EIF4G3: variants seen among roughly 807,000 people sequenced by gnomAD.
EIF4G3 encodes the protein eIF-4-gamma 3.
Under a neutral mutation model 186.4 loss-of-function variants are expected in EIF4G3, and 34 were observed. The observed-to-expected ratio is 0.18, with a 90% confidence interval of 0.14 to 0.24. EIF4G3 has a LOEUF of 0.24. EIF4G3 is among the 10% of genes least tolerant of loss of function. The pLI is 1.00. For synonymous variants in EIF4G3, 673 were observed against 679.5 expected, an observed-to-expected ratio of 0.99 and a Z score of 0.15; for missense variants, 1,536 against 1,948.5, an observed-to-expected ratio of 0.79 and a Z score of 3.99.
chr1:21,129,996 C>G (rs939006479), intron 2 of EIF4G3, among the ~76,000 whole-genome samples: 1 of 152,056 alleles, frequency 6.6e-6, no homozygotes, highest in African/African-American at 2.4e-5. Context: ...AATCCTAGCA[C>G]CTAGTACCAA....
rs1299973889 is a variant in EIF4G3, at chr1:21,023,896, G to A, written c.-66-21088C>T. On this transcript the variant is annotated intron_variant, in intron 4 of 36. Coordinates refer to ENST00000602326, the MANE Select transcript of EIF4G3 (RefSeq NM_001391906.1). ...GCCCATCGTCTGAGATGTGGGGAGC[G>A]CCTCTGCCCCGCCGCCCCATCTGGG... Among the ~76,000 whole-genome samples, 3 of 134,738 alleles carry A rather than the reference G, an allele frequency of 2.2e-5. No individual in the cohort carries two copies. The East Asian group carries it at 6.3e-4, about 28-fold the overall frequency. 88.4% of individuals were successfully genotyped at this position (134,738 alleles called of 152,430 possible). A position where few individuals can be genotyped will look rare whatever the true frequency, so the allele number is the denominator to read the frequency against.
At chr1:20,910,470 G>A (rs895763038) in intron 14 of EIF4G3, among the ~76,000 whole-genome samples, 2 of 152,112 alleles carry the variant, frequency 1.3e-5, no homozygotes, top group Non-Finnish European at 2.9e-5. Flanking sequence ...CGTAATCCCA[G>A]CTACTCAGGA....
chr1:21,148,331 A>T (rs1040865356), intron 2 of EIF4G3, among the ~76,000 whole-genome samples: 2 of 151,864 alleles, frequency 1.3e-5, no homozygotes, highest in Non-Finnish European at 2.9e-5. Context: ...TTGGCCTCCC[A>T]AAGTGCTGGT....
intron 29 of EIF4G3, among the ~76,000 whole-genome samples, chr1:20,844,299 C>T (rs746554633): frequency 1.1e-4 from 16 of 152,222 alleles, no homozygotes; most frequent in South Asian, 4.1e-4. Context: ...TCCACAACCT[C>T]GCCAACACCT....
chr1:21,175,679 T>C (rs1456150959), intron 2 of EIF4G3: 1 of 152,226 alleles, frequency 6.6e-6, no homozygotes, highest in Non-Finnish European at 1.5e-5. Flanking sequence ...GGAAACGAGC[T>C]GATTGGTTTC....
intron 2 of EIF4G3, among the ~76,000 whole-genome samples, chr1:21,094,765 T>TAATAATA (rs1553233317): frequency 1.4e-5 from 2 of 140,896 alleles, no homozygotes; most frequent in Admixed American, 1.4e-4. Flanking sequence ...GAACTTAAAG[T>TAATAATA]ATAATAATAA....
intron 2 of EIF4G3, among the ~76,000 whole-genome samples, chr1:21,109,260 C>A (rs1301397077): frequency 6.6e-6 from 1 of 152,124 alleles, no homozygotes; most frequent in Non-Finnish European, 1.5e-5. Flanking sequence ...TTGTTTCAGC[C>A]CTGCTCATGA....
chr1:21,094,098 T>C (rs1363494798), intron 2 of EIF4G3, among the ~76,000 whole-genome samples: 1 of 151,494 alleles, frequency 6.6e-6, no homozygotes, highest in Non-Finnish European at 1.5e-5. Context: ...ACTTAAAGTA[T>C]AATAAAAAAA....
chr1:21,052,140 CGTAA>C, intron 3 of EIF4G3, among the ~76,000 whole-genome samples: 1 of 152,028 alleles, frequency 6.6e-6, no homozygotes, highest in African/African-American at 2.4e-5. Context: ...CATGTTTTTA[CGTAA>C]CCAAAAATTT....
intron 2 of EIF4G3, among the ~76,000 whole-genome samples, chr1:21,094,109 ATTT>A (rs1281676813): frequency 6.7e-6 from 1 of 148,478 alleles, no homozygotes; most frequent in Non-Finnish European, 1.5e-5. Flanking sequence ...AATAAAAAAA[ATTT>A]TTTTTTTTTT....
rs2088095466 is a variant in EIF4G3, at chr1:21,014,136, T to C, written c.-66-11328A>G. 2.0e-5 allele frequency among the ~76,000 whole-genome samples: 3 copies of C among 152,154 alleles called. No individual in the cohort carries two copies. The South Asian group carries it at 6.2e-4, about 32-fold the overall frequency. On this transcript the variant is annotated intron_variant, in intron 4 of 36. Coordinates refer to ENST00000602326, the MANE Select transcript of EIF4G3 (RefSeq NM_001391906.1). Reference sequence around the variant, plus strand: ...GTGAGCCGAGATCATGCCACTGCACTCCAGCCTGGGTGACAAAGCGAGACT... The same window carrying C: ...GTGAGCCGAGATCATGCCACTGCACCCCAGCCTGGGTGACAAAGCGAGACT...
intron 20 of EIF4G3, among the ~76,000 whole-genome samples, chr1:20,867,917 A>C (rs899275973): frequency 5.3e-5 from 8 of 152,168 alleles, no homozygotes; most frequent in African/African-American, 1.9e-4. Flanking sequence ...GAATGACTAC[A>C]GATTTACAAA....
At chr1:20,823,036 AT>A (rs199715183) in intron 33 of EIF4G3, among the ~76,000 whole-genome samples, 11 of 147,956 alleles carry the variant, frequency 7.4e-5, no homozygotes, top group Non-Finnish European at 9.0e-5. Flanking sequence ...TTTTTTGTGT[AT>A]TTTTTTTTTG....
rs144548240 is a variant in EIF4G3 at position 20,903,086 on chromosome 1, A to G, written c.1752+1797T>C. Among the ~76,000 whole-genome samples, 8 of 152,396 alleles carry G rather than the reference A, an allele frequency of 5.2e-5. No individual in the cohort carries two copies. In the East Asian group the frequency reaches 1.5e-3, roughly 29 times the overall value. Reference sequence around the variant, plus strand: ...TCTGGCTCACCGCCTGCTTTTGCACAGCATACAAGGTAAGGATGATATTTA... The same window carrying G: ...TCTGGCTCACCGCCTGCTTTTGCACGGCATACAAGGTAAGGATGATATTTA... On this transcript the variant is annotated intron_variant, in intron 15 of 36. Transcript: ENST00000602326.
At chr1:20,915,656 G>C (rs914757453) in intron 14 of EIF4G3, among the ~76,000 whole-genome samples, 1 of 152,082 alleles carries the variant, frequency 6.6e-6, no homozygotes, top group Non-Finnish European at 1.5e-5. Flanking sequence ...AAAAGCAATT[G>C]ATAAAATCCA....
chr1:21,163,611 GTTT>G (rs1258044233), intron 2 of EIF4G3, among the ~76,000 whole-genome samples: 1 of 152,248 alleles, frequency 6.6e-6, no homozygotes, highest in Admixed American at 6.5e-5. Flanking sequence ...CAACTGAAGA[GTTT>G]TTTTGTGGAA....
chr1:21,001,252 G>A lies in EIF4G3; in HGVS notation c.91C>T (p.Gln31Ter). ...DNWKRRKVLE[Q>*]TPVYRSLAGR... ...GCCAAGGACCTGTAAACGGGAGTCT[G>A]TTCCAAAACCTTCCTCCTCTTCCAG... is the stretch of plus-strand genomic sequence containing the variant. The change falls in exon 6 of 37, where the codon CAG becomes TAG. Residue 31 changes from glutamine (Q) to a stop codon, truncating the protein, a stop_gained. Coordinates refer to ENST00000602326, the MANE Select transcript of EIF4G3 (RefSeq NM_001391906.1). LOFTEE classifies it high-confidence loss of function. 2.1e-6 allele frequency: 1 copy of A among 471,580 alleles called. No individual in the cohort carries two copies. Among genetic ancestry groups the A allele is most frequent in the Non-Finnish European group, 4.4e-6 (1 of 227,140 alleles). 29.2% of individuals were successfully genotyped at this position (471,580 alleles called of 1,614,324 possible). A position where few individuals can be genotyped will look rare whatever the true frequency, so the allele number is the denominator to read the frequency against.
In EIF4G3 at chr1:21,091,060, A is replaced by G. The variant is rs560049878; in HGVS notation, c.-271-1847T>C. On this transcript the variant is annotated intron_variant, in intron 2 of 36. Transcript: ENST00000602326. The stretch of plus-strand genomic sequence containing the variant: ...TGGCAGAATTTCTAAACTATACCCT[A>G]TTTCACAAAGATACCGAACAGGATT... Among the ~76,000 whole-genome samples, 30 of 152,308 alleles carry G rather than the reference A, an allele frequency of 2.0e-4. No individual in the cohort carries two copies. In the South Asian group the frequency reaches 2.5e-3, roughly 13 times the overall value.
intron 2 of EIF4G3, among the ~76,000 whole-genome samples, chr1:21,114,743 A>C (rs2096787740): frequency 6.6e-6 from 1 of 152,208 alleles, no homozygotes; most frequent in Admixed American, 6.5e-5. Flanking sequence ...TGTTTCATCA[A>C]AGATATTAAG....
Sources: allele counts gnomAD v4.1 joint callset (sites outside exome capture counted in the v4.1 genomes callset), GRCh38; gene constraint gnomAD v4.1.1; transcripts MANE v1.5; gene names NCBI Gene and HGNC (gene_info 2026-07-23, HGNC 2026-07-21).